The following NSA2 variants were observed in gnomAD, a reference collection of about 807,000 sequenced individuals.
NSA2 encodes NSA2 ribosome biogenesis factor.
Under a neutral mutation model 34.8 loss-of-function variants are expected in NSA2, and 18 were observed. That is an observed-to-expected ratio of 0.52 (90% CI 0.36 to 0.77). The LOEUF is 0.77. Ranked by LOEUF, NSA2 falls within the 30% of genes least tolerant of loss-of-function variation. The probability of loss-of-function intolerance (pLI) is 0.00; values close to 1 mark genes in which losing one functional copy is unlikely to be tolerated. For missense variants in NSA2, 188 were observed against 314.7 expected, an observed-to-expected ratio of 0.60 and a Z score of 3.05; for synonymous variants, 79 against 100.2, an observed-to-expected ratio of 0.79 and a Z score of 1.26.
intron 4 of NSA2, among the ~76,000 whole-genome samples, chr5:74,773,625 G>GC (rs1745017687): frequency 6.6e-6 from 1 of 152,112 alleles, no homozygotes; most frequent in African/African-American, 2.4e-5. Flanking sequence ...GGGCAACTGG[G>GC]CAAGACCCTG....
chr5:74,772,524 C>T (rs1422854560), intron 4 of NSA2, among the ~76,000 whole-genome samples: 1 of 152,106 alleles, frequency 6.6e-6, no homozygotes, highest in East Asian at 1.9e-4. Flanking sequence ...TATTGCATAA[C>T]CCCTACCCCT....
At chr5:74,767,673 C>T (rs1744736550) in intron 1 of NSA2, among the ~76,000 whole-genome samples, 1 of 152,144 alleles carries the variant, frequency 6.6e-6, no homozygotes, top group Non-Finnish European at 1.5e-5. Context: ...GTTATCAGCC[C>T]CAGAGCCTAA....
rs1561273814 is a variant in NSA2 at position 74,769,065 on chromosome 5, G to A, written c.138G>A (p.Lys46=). ...AGGCAAAGAAAATGATTGGTCTGAA[G>A]GCTAAGCTTTACCATAAACAGCGTC... ...SKKAKKMIGL[K]AKLYHKQRHA... is the part of the protein sequence containing the mutation. The change falls in exon 2 of 6, where the codon AAG becomes AAA. Residue 46 remains lysine, a synonymous_variant. Transcript: ENST00000610426. 1.2e-6 allele frequency: 2 copies of A among 1,612,290 alleles called. No individual in the cohort carries two copies. Among genetic ancestry groups the A allele is most frequent in the South Asian group, 2.2e-5 (2 of 90,660 alleles).
intron 1 of NSA2, among the ~76,000 whole-genome samples, chr5:74,768,725 T>C (rs539200573): frequency 6.6e-6 from 1 of 152,298 alleles, no homozygotes; most frequent in African/African-American, 2.4e-5. Context: ...CCTAATGAGA[T>C]TATTAGAGAT....
intron 5 of NSA2, among the ~76,000 whole-genome samples, chr5:74,776,104 T>C (rs982283472): frequency 1.2e-4 from 19 of 152,324 alleles, no homozygotes; most frequent in African/African-American, 4.6e-4. Flanking sequence ...TGTATGAAAA[T>C]TGTATTCAGA....
At chr5:74,770,283 A>G (rs2112413984) in intron 3 of NSA2, among the ~76,000 whole-genome samples, 1 of 151,376 alleles carries the variant, frequency 6.6e-6, no homozygotes, top group Middle Eastern at 3.4e-3. Context: ...CAGTGAGCCA[A>G]GATTGTACCA....
At chr5:74,775,776 A>G (rs889593928) in intron 5 of NSA2, among the ~76,000 whole-genome samples, 1 of 152,114 alleles carries the variant, frequency 6.6e-6, no homozygotes, top group Admixed American at 6.6e-5. Context: ...GATCAGTAAT[A>G]ATTAAAACAG....
chr5:74,773,440 G>A (rs1263125595), intron 4 of NSA2, among the ~76,000 whole-genome samples: 1 of 145,976 alleles, frequency 6.9e-6, no homozygotes, highest in Non-Finnish European at 1.5e-5. Flanking sequence ...TCCAAGACCA[G>A]CAGGCAACAT....
chr5:74,769,619 A>G (rs1238395137), intron 3 of NSA2: 4 of 316,488 alleles, frequency 1.3e-5, no homozygotes, highest in Non-Finnish European at 1.7e-5. Flanking sequence ...TTCAAATTCA[A>G]TATTTGTCTT....
rs1745232004 is a variant in NSA2 at position 74,778,449 on chromosome 5, C to T, written c.*1778C>T. 6.6e-6 allele frequency: 1 copy of T among 151,918 alleles called. No homozygotes were observed. Among genetic ancestry groups the T allele is most frequent in the Admixed American group, 6.6e-5 (1 of 15,256 alleles). The allele number at this position is 151,918 out of a possible 1,614,324, so 9.4% of individuals were successfully genotyped here. ...TTCAAGATTTCTAGTCACTGAAACC[C>T]CATTGTAGGTAGTGTTCTGGAGTCT... On this transcript the variant is annotated 3_prime_UTR_variant, in exon 6 of 6. Coordinates refer to ENST00000610426, the MANE Select transcript of NSA2 (RefSeq NM_014886.6).
At position 74,777,315 on chromosome 5, in the gene NSA2, T is replaced by C. The variant is rs1025876549; in HGVS notation, c.*644T>C. 1 of 152,136 alleles carries C rather than the reference T, an allele frequency of 6.6e-6. No homozygotes were observed. The highest frequency in any genetic ancestry group is 1.5e-5 in the Non-Finnish European group (1 of 67,982). The allele number at this position is 152,136 out of a possible 1,614,324, so 9.4% of individuals were successfully genotyped here. A position where few individuals can be genotyped will look rare whatever the true frequency, so the allele number is the denominator to read the frequency against. On this transcript the variant is annotated 3_prime_UTR_variant, in exon 6 of 6. Coordinates refer to ENST00000610426, the MANE Select transcript of NSA2 (RefSeq NM_014886.6). ...AAAATATACTAAAGTCTTTGTACTC[T>C]CTTAGCATTTTCTGTATTCTAAACA...
intron 4 of NSA2, among the ~76,000 whole-genome samples, chr5:74,773,499 G>T (rs190782125): frequency 6.6e-6 from 1 of 151,170 alleles, no homozygotes; most frequent in East Asian, 1.9e-4. Context: ...AATAAGCTAG[G>T]CATGGTGGTG....
chr5:74,768,919 C>T lies in NSA2; in HGVS notation c.4-12C>T, dbSNP rs1744817684. 1.3e-6 allele frequency: 2 copies of T among 1,532,240 alleles called. No individual in the cohort carries two copies. Among genetic ancestry groups the T allele is most frequent in the African/African-American group, 1.4e-5 (1 of 70,954 alleles). 94.9% of individuals were successfully genotyped at this position (1,532,240 alleles called of 1,614,324 possible). A position where few individuals can be genotyped will look rare whatever the true frequency, so the allele number is the denominator to read the frequency against. ...TTAAAAAATTAAAATAATATTTCTT[C>T]CATCATTATAGCCACAGAATGAATA... On this transcript the variant is annotated splice_polypyrimidine_tract_variant and intron_variant, in intron 1 of 5. Transcript: ENST00000610426.
rs1237883474 is a variant in NSA2 at position 74,779,769 on chromosome 5, TAGG to T, written c.*3101_*3103del. 1.3e-5 allele frequency: 2 copies of T among 152,192 alleles called. No individual in the cohort carries two copies. Among genetic ancestry groups the T allele is most frequent in the Non-Finnish European group, 2.9e-5 (2 of 68,020 alleles). 9.4% of individuals were successfully genotyped at this position (152,192 alleles called of 1,614,324 possible). The stretch of plus-strand genomic sequence containing the variant: ...ACAATTGTTCAAAATCTAACACAAA[TAGG>T]AGCGTTTACTATTTTTGTCTGCTTT... On this transcript the variant is annotated 3_prime_UTR_variant, in exon 6 of 6. Coordinates refer to ENST00000610426, the MANE Select transcript of NSA2 (RefSeq NM_014886.6).
chr5:74,772,170 G>T (rs1744960445), intron 4 of NSA2, among the ~76,000 whole-genome samples: 1 of 150,618 alleles, frequency 6.6e-6, no homozygotes, highest in Non-Finnish European at 1.5e-5. Flanking sequence ...TGTATCCCAG[G>T]CGGGAGTGCA....
rs1745151111 is a variant in NSA2 at position 74,776,950 on chromosome 5, A to G, written c.*279A>G. 2 of 244,240 alleles carry G rather than the reference A, an allele frequency of 8.2e-6. No homozygotes were observed. Among genetic ancestry groups the G allele is most frequent in the Non-Finnish European group, 1.6e-5 (2 of 127,970 alleles). The allele number at this position is 244,240 out of a possible 1,614,324, so 15.1% of individuals were successfully genotyped here. A position where few individuals can be genotyped will look rare whatever the true frequency, so the allele number is the denominator to read the frequency against. On this transcript the variant is annotated 3_prime_UTR_variant, in exon 6 of 6. Coordinates refer to ENST00000610426, the MANE Select transcript of NSA2 (RefSeq NM_014886.6). ...TGAGTGGGTATTCAGCAATTTCCTG[A>G]AAAAACCACCAGTGTTCATTGAAAA...
chr5:74,771,133 A>G (rs1744911514), intron 4 of NSA2, among the ~76,000 whole-genome samples: 1 of 152,132 alleles, frequency 6.6e-6, no homozygotes, highest in Admixed American at 6.5e-5. Flanking sequence ...ACAAAAAATA[A>G]GCTGGGCGTG....
At chr5:74,770,228 G>A (rs1744871007) in intron 3 of NSA2, among the ~76,000 whole-genome samples, 1 of 151,782 alleles carries the variant, frequency 6.6e-6, no homozygotes. Flanking sequence ...CTACTCGGGA[G>A]GCTAAGACAG....
intron 2 of NSA2, 27 bp downstream of exon 2, chr5:74,769,145 A>G: frequency 1.9e-6 from 3 of 1,595,914 alleles, no homozygotes; most frequent in Non-Finnish European, 1.7e-6. Flanking sequence ...ATTTGTCATA[A>G]CAAGTTAACA....
Sources: allele counts gnomAD v4.1 joint callset (sites outside exome capture counted in the v4.1 genomes callset), GRCh38; gene constraint gnomAD v4.1.1; transcripts MANE v1.5; gene names NCBI Gene and HGNC (gene_info 2026-07-23, HGNC 2026-07-21).